The following ANK2 variants were observed in gnomAD, a reference collection of about 807,000 sequenced individuals.
ANK2 encodes the protein ankyrin 2.
In ANK2, 83 loss-of-function variants were observed where a neutral mutation model predicts 360.5. The ratio of observed to expected loss-of-function variants is 0.23; its 90% CI spans 0.19 to 0.28. The LOEUF (loss-of-function observed/expected upper bound fraction) is 0.28, where lower values mean the gene tolerates loss of function less well. Ranked by LOEUF, ANK2 falls within the 10% of genes least tolerant of loss-of-function variation. ANK2 has a pLI of 1.00. For synonymous variants in ANK2, 1,740 were observed against 1,759.5 expected, an observed-to-expected ratio of 0.99 and a Z score of 0.28; for missense variants, 4,201 against 4,795.7, an observed-to-expected ratio of 0.88 and a Z score of 3.66.
At chr4:112,996,408 TTTAA>T (rs1374525529) in intron 2 of ANK2, among the ~76,000 whole-genome samples, 3 of 152,128 alleles carry the variant, frequency 2.0e-5, no homozygotes, top group African/African-American at 7.2e-5. Context: ...ATTTTTATGC[TTTAA>T]TTATACTCTA....
At chr4:113,245,806 A>AT (rs1563139575) in intron 9 of ANK2, among the ~76,000 whole-genome samples, 151 of 152,026 alleles carry the variant, frequency 9.9e-4, no homozygotes, top group African/African-American at 3.4e-3. Context: ...TACATATGAA[A>AT]ATTTTTTTTT....
intron 20 of ANK2, among the ~76,000 whole-genome samples, chr4:113,289,744 T>A (rs2066624988): frequency 6.6e-6 from 1 of 152,226 alleles, no homozygotes; most frequent in Non-Finnish European, 1.5e-5. Flanking sequence ...CTATTAACAT[T>A]TAAGATTTAA....
At chr4:113,321,238 G>T (rs1010848007) in intron 26 of ANK2, among the ~76,000 whole-genome samples, 1 of 152,168 alleles carries the variant, frequency 6.6e-6, no homozygotes, top group Admixed American at 6.5e-5. Flanking sequence ...TTAGCACTTT[G>T]CCTGGAAATA....
intron 1 of ANK2, among the ~76,000 whole-genome samples, chr4:113,167,221 T>A (rs2097779116): frequency 6.6e-6 from 1 of 152,160 alleles, no homozygotes; most frequent in Non-Finnish European, 1.5e-5. Flanking sequence ...AATAACTTAT[T>A]TTTCAGGACT....
At chr4:112,892,920 G>T (rs112468569) in intron 1 of ANK2, among the ~76,000 whole-genome samples, 1 of 152,156 alleles carries the variant, frequency 6.6e-6, no homozygotes, top group African/African-American at 2.4e-5. Flanking sequence ...TTTAGGATGC[G>T]TAGTGGGTAA....
At chr4:113,266,899 C>A (rs1217641428) in intron 14 of ANK2, among the ~76,000 whole-genome samples, 8 of 151,834 alleles carry the variant, frequency 5.3e-5, no homozygotes, top group Non-Finnish European at 2.9e-5. Flanking sequence ...GCATTCATAT[C>A]CTCTCCAGCA....
At chr4:113,264,163 T>C (rs562482599) in intron 13 of ANK2, among the ~76,000 whole-genome samples, 1 of 152,310 alleles carries the variant, frequency 6.6e-6, no homozygotes, top group East Asian at 1.9e-4. Flanking sequence ...GCAAATCAAA[T>C]TTCTTGTCTG....
At chr4:112,806,532 A>T in the ANK2 span, among the ~76,000 whole-genome samples, 92,106 of 152,066 alleles carry the variant, frequency 0.61, 29,284 homozygotes, top group East Asian at 0.93. Flanking sequence ...AGATATCTCT[A>T]CAATATACTG....
At chr4:113,030,114 T>C (rs903017176) in intron 2 of ANK2, among the ~76,000 whole-genome samples, 19 of 152,028 alleles carry the variant, frequency 1.2e-4, no homozygotes, top group African/African-American at 4.6e-4. Context: ...AATAGGAGTG[T>C]ATAGAAGGGT....
intron 43 of ANK2, among the ~76,000 whole-genome samples, chr4:113,370,621 A>T (rs998991846): frequency 6.6e-6 from 1 of 152,106 alleles, no homozygotes; most frequent in Non-Finnish European, 1.5e-5. Context: ...TTAGCCAGGT[A>T]TGGTGGCGAG....
chr4:112,827,898 C>T (rs561098746), intron 1 of ANK2, among the ~76,000 whole-genome samples: 5 of 151,922 alleles, frequency 3.3e-5, no homozygotes, highest in East Asian at 3.9e-4. Flanking sequence ...AAAAAGAGGC[C>T]GAATAAACAA....
chr4:112,901,210 C>A (rs953509442), intron 1 of ANK2, among the ~76,000 whole-genome samples: 3 of 152,092 alleles, frequency 2.0e-5, no homozygotes, highest in Admixed American at 1.3e-4. Context: ...CCACTTTTAG[C>A]CCCTGGGATT....
At chr4:113,222,637 G>C (rs1295381449) in intron 4 of ANK2, among the ~76,000 whole-genome samples, 1 of 151,984 alleles carries the variant, frequency 6.6e-6, no homozygotes, top group Non-Finnish European at 1.5e-5. Flanking sequence ...TGTCTCCTTG[G>C]GTGGATAACT....
chr4:112,872,191 C>T (rs746109102), intron 1 of ANK2, among the ~76,000 whole-genome samples: 8 of 151,916 alleles, frequency 5.3e-5, no homozygotes, highest in Non-Finnish European at 8.8e-5. Flanking sequence ...CATGCCCCGG[C>T]TAATTTTTAA....
intron 30 of ANK2, 21 bp from the exon 31 acceptor site, chr4:113,336,556 G>C (rs1563861444): frequency 6.3e-6 from 10 of 1,592,254 alleles, no homozygotes; most frequent in Non-Finnish European, 8.6e-6. Flanking sequence ...ATATATATGT[G>C]TGTGTTTTTA....
At chr4:112,763,894 A>T in the ANK2 span, among the ~76,000 whole-genome samples, 1 of 151,800 alleles carries the variant, frequency 6.6e-6, no homozygotes, top group Non-Finnish European at 1.5e-5. Flanking sequence ...TGGATCTCTC[A>T]CTCACATCTC....
the ANK2 span, among the ~76,000 whole-genome samples, chr4:112,718,721 T>G: frequency 6.6e-6 from 1 of 152,356 alleles, no homozygotes; most frequent in South Asian, 2.1e-4. Context: ...CACTGCAACC[T>G]CTGCCTCCCA....
At chr4:113,232,296 T>C (rs753205938) in intron 5 of ANK2, 37 bp downstream of exon 5, 2 of 1,427,648 alleles carry the variant, frequency 1.4e-6, no homozygotes, top group Non-Finnish European at 2.0e-6. Flanking sequence ...AATTCTTTGA[T>C]CTTAATGTCC....
intron 1 of ANK2, among the ~76,000 whole-genome samples, chr4:112,889,460 A>G (rs192619678): frequency 1.1e-3 from 165 of 152,254 alleles, no homozygotes; most frequent in Admixed American, 2.8e-3. Context: ...GCAGAGAGGT[A>G]TACTCCATAG....
Sources: allele counts gnomAD v4.1 joint callset (sites outside exome capture counted in the v4.1 genomes callset), GRCh38; gene constraint gnomAD v4.1.1; transcripts MANE v1.5; gene names NCBI Gene and HGNC (gene_info 2026-07-23, HGNC 2026-07-21).